HERC5: variants seen among roughly 807,000 people sequenced by gnomAD.
The protein encoded by HERC5 is HECT and RLD domain containing E3 ubiquitin protein ligase 5, also known as E3 ISG15--protein ligase HERC5.
HERC5 carries 99 observed loss-of-function variants against 119.6 expected under a neutral mutation model. That is an observed-to-expected ratio of 0.83 (90% CI 0.70 to 0.98). The LOEUF (loss-of-function observed/expected upper bound fraction) is 0.98, where lower values mean the gene tolerates loss of function less well. Among genes scored for constraint, HERC5 ranks in the 50% least tolerant of loss-of-function variants. The pLI, the probability that HERC5 is intolerant of heterozygous loss-of-function variation, is 0.00. For synonymous variants in HERC5, 478 were observed against 445.9 expected (o/e 1.07, Z -0.91); for missense variants, 1,267 against 1,241.3 (o/e 1.02, Z -0.31).
intron 7 of HERC5, among the ~76,000 whole-genome samples, chr4:88,467,409 T>G (rs1448556537): frequency 6.6e-6 from 1 of 152,216 alleles, no homozygotes; most frequent in Non-Finnish European, 1.5e-5. Flanking sequence ...TCCTTCAGAT[T>G]AGGATTAATG....
At chr4:88,500,188 A>G (rs1279840960) in intron 19 of HERC5, among the ~76,000 whole-genome samples, 196 bp downstream of exon 19, 1 of 152,224 alleles carries the variant, frequency 6.6e-6, no homozygotes, top group East Asian at 1.9e-4. Context: ...TAGTGCCCTA[A>G]AAGAACAAAT....
At chr4:88,463,106 G>T (rs1740508875) in intron 4 of HERC5, among the ~76,000 whole-genome samples, 1 of 152,202 alleles carries the variant, frequency 6.6e-6, no homozygotes, top group Non-Finnish European at 1.5e-5. Context: ...TACTTTGGCT[G>T]AATCTCTGAG....
chr4:88,476,087 A>C, intron 12 of HERC5, 57 bp downstream of exon 12: 2 of 1,416,370 alleles, frequency 1.4e-6, no homozygotes, highest in Non-Finnish European at 1.9e-6. Context: ...AGACATGTCT[A>C]GTAAAGTTAT....
chr4:88,470,432 C>T (rs1169376510), intron 9 of HERC5, among the ~76,000 whole-genome samples, 182 bp from the exon 10 acceptor site: 1 of 151,970 alleles, frequency 6.6e-6, no homozygotes, highest in Non-Finnish European at 1.5e-5. Context: ...TGAGATTTAC[C>T]AAACAGAATG....
At chr4:88,478,224 A>G (rs1286948200) in intron 12 of HERC5, among the ~76,000 whole-genome samples, 1 of 152,214 alleles carries the variant, frequency 6.6e-6, no homozygotes. Context: ...CTAAACTTGT[A>G]ATAGTAATTG....
chr4:88,462,420 C>A, intron 4 of HERC5, 64 bp downstream of exon 4: 1 of 1,337,620 alleles, frequency 7.5e-7, no homozygotes, highest in Non-Finnish European at 1.1e-6. Context: ...ATTTAATGGA[C>A]CTCCCTGTCA....
intron 20 of HERC5, among the ~76,000 whole-genome samples, chr4:88,502,102 T>G (rs1741965657): frequency 6.6e-6 from 1 of 151,976 alleles, no homozygotes; most frequent in Non-Finnish European, 1.5e-5. Flanking sequence ...CCGGCCTATC[T>G]GTAGTATTTT....
At chr4:88,502,895 C>A (rs1741988028) in intron 20 of HERC5, among the ~76,000 whole-genome samples, 1 of 150,546 alleles carries the variant, frequency 6.6e-6, no homozygotes, top group South Asian at 2.1e-4. Flanking sequence ...TATGAGAGTT[C>A]TAGATGCAAG....
At chr4:88,458,454 G>A (rs562581356) in intron 1 of HERC5, among the ~76,000 whole-genome samples, 3 of 151,948 alleles carry the variant, frequency 2.0e-5, no homozygotes, top group African/African-American at 4.8e-5. Context: ...ACTGAGGTAG[G>A]AGGGGAGCTA....
intron 11 of HERC5, chr4:88,472,938 T>TC (rs1430347480): frequency 6.6e-6 from 1 of 152,570 alleles, no homozygotes; most frequent in African/African-American, 2.5e-5. Context: ...TTTTTTTTTT[T>TC]CCATTCTACT....
Position 88,472,387 on chromosome 4 carries a change from T to A in HERC5, c.1299-22T>A, listed in dbSNP as rs1046939855. 2.2e-6 allele frequency: 3 copies of A among 1,378,664 alleles called. No homozygotes were observed. The African/African-American group carries it at 4.3e-5, about 20-fold the overall frequency. 85.4% of individuals were successfully genotyped at this position (1,378,664 alleles called of 1,614,324 possible). A position where few individuals can be genotyped will look rare whatever the true frequency, so the allele number is the denominator to read the frequency against. On this transcript the variant is annotated intron_variant, in intron 10 of 22. Coordinates refer to ENST00000264350, the MANE Select transcript of HERC5 (RefSeq NM_016323.4). ...CTAGGGAGATAATCTAACAAAATAC[T>A]TAATTTATCTTTCTTCTACAGAAGA... is the stretch of plus-strand genomic sequence containing the variant.
intron 18 of HERC5, among the ~76,000 whole-genome samples, chr4:88,495,803 A>G (rs1416522123): frequency 6.6e-6 from 1 of 152,242 alleles, no homozygotes; most frequent in Non-Finnish European, 1.5e-5. Flanking sequence ...TAAATTTGTC[A>G]TTATTATTTT....
intron 20 of HERC5, among the ~76,000 whole-genome samples, chr4:88,502,690 A>AT (rs1250545551): frequency 6.6e-6 from 1 of 152,174 alleles, no homozygotes; most frequent in African/African-American, 2.4e-5. Flanking sequence ...CTCTAATAGT[A>AT]TTACTAGTCT....
intron 11 of HERC5, 131 bp downstream of exon 11, chr4:88,472,633 A>G: frequency 1.5e-6 from 1 of 680,806 alleles, no homozygotes; most frequent in Non-Finnish European, 2.6e-6. Context: ...ATTAAGTTAA[A>G]CTCAGATAAC....
rs908935819 is a variant in HERC5 at position 88,487,183 on chromosome 4, T to G, written c.1962+4T>G. 2.1e-6 allele frequency: 3 copies of G among 1,433,834 alleles called. No individual in the cohort carries two copies. Among genetic ancestry groups the G allele is most frequent in the Middle Eastern group, 1.9e-4 (1 of 5,210 alleles). 88.8% of individuals were successfully genotyped at this position (1,433,834 alleles called of 1,614,324 possible). On this transcript the variant is annotated splice_donor_region_variant and intron_variant, in intron 15 of 22. Transcript: ENST00000264350. ...AGACACACTTTTAAAAATAGAGGTA[T>G]GTATGCCTATTTGTCTTCATTAGCA... is the stretch of plus-strand genomic sequence containing the variant.
In HERC5 at chr4:88,476,004, T is replaced by G; in HGVS notation, c.1556T>G (p.Met519Arg). 1 of 1,613,944 alleles carries G rather than the reference T, an allele frequency of 6.2e-7. No homozygotes were observed. Among genetic ancestry groups the G allele is most frequent in the African/African-American group, 1.3e-5 (1 of 75,038 alleles). The change falls in exon 12 of 23, where the codon ATG (methionine) becomes AGG (arginine). Residue 519 changes from methionine (M) to arginine (R), a missense_variant. Physicochemically the swap from Met to Arg is moderately conservative, Grantham distance 91. This residue lies in a region of HERC5 where 777 missense variants were observed against 758.0 expected (regional missense o/e 1.03). Coordinates refer to ENST00000264350, the MANE Select transcript of HERC5 (RefSeq NM_016323.4). ...CCATTTGCAAAGGTTGTTTGTAAAA[T>G]GAGTGACCAGTCTTCACTGGTTCTG... ...VVPFAKVVCKMSDQSSLVLEE... is the reference protein window; with the variant it reads ...VVPFAKVVCKRSDQSSLVLEE...
chr4:88,458,402 T>G (rs1458128332), intron 1 of HERC5, among the ~76,000 whole-genome samples: 1 of 152,110 alleles, frequency 6.6e-6, no homozygotes, highest in Non-Finnish European at 1.5e-5. Flanking sequence ...TTAAGGTTTT[T>G]TTTTTTAAGT....
chr4:88,485,847 T>A (rs1741441358), intron 13 of HERC5, among the ~76,000 whole-genome samples: 1 of 152,034 alleles, frequency 6.6e-6, no homozygotes, highest in Non-Finnish European at 1.5e-5. Flanking sequence ...TTTTTTTTTC[T>A]TCCTATTGAA....
chr4:88,483,540 T>C (rs1049530774), intron 13 of HERC5, among the ~76,000 whole-genome samples: 2 of 146,980 alleles, frequency 1.4e-5, no homozygotes, highest in African/African-American at 5.1e-5. Context: ...TTTTTTTTTT[T>C]TTTCCTGAGA....
Sources: allele counts gnomAD v4.1 joint callset (sites outside exome capture counted in the v4.1 genomes callset), GRCh38; gene constraint gnomAD v4.1.1; regional missense constraint gnomAD v4.1.1; transcripts MANE v1.5; gene names NCBI Gene and HGNC (gene_info 2026-07-23, HGNC 2026-07-21).